Variants in KLHL13 observed in about 807,000 individuals in gnomAD.
KLHL13 encodes kelch like family member 13, also known as kelch-like protein 13.
A neutral mutation model predicts 37.1 loss-of-function variants in KLHL13; 10 were observed. The observed-to-expected ratio is 0.27, with a 90% CI of 0.17 to 0.46. The LOEUF is 0.46. Ranked by LOEUF, KLHL13 falls within the 20% of genes least tolerant of loss-of-function variation. KLHL13 has a pLI of 1.00. For synonymous variants in KLHL13, 163 were observed against 181.2 expected, an observed-to-expected ratio of 0.90 and a Z score of 0.81; for missense variants, 360 against 509.3, an observed-to-expected ratio of 0.71 and a Z score of 2.82.
chrX:117,953,269 A>AT (rs1048524650), intron 1 of KLHL13, among the ~76,000 whole-genome samples: 7 of 110,878 alleles, frequency 6.3e-5, no homozygotes. Context: ...CATGGATGAA[A>AT]TTGGAAATCA....
chrX:117,950,036 G>T (rs1933506805), intron 1 of KLHL13, among the ~76,000 whole-genome samples: 1 of 112,617 alleles, frequency 8.9e-6, no homozygotes, highest in Admixed American at 9.4e-5. Context: ...AGCTAGAAAG[G>T]TAAAAGTATA....
At chrX:118,083,533 T>A (rs1363985937) in intron 1 of KLHL13, among the ~76,000 whole-genome samples, 1 of 111,409 alleles carries the variant, frequency 9.0e-6, no homozygotes, top group Non-Finnish European at 1.9e-5. Context: ...TTTAAGTTTA[T>A]CTCATAGAAG....
chrX:117,990,970 T>A (rs1240050266), intron 1 of KLHL13, among the ~76,000 whole-genome samples: 1 of 110,252 alleles, frequency 9.1e-6, no homozygotes, highest in Non-Finnish European at 1.9e-5. Context: ...ACAATGGGGT[T>A]CCCCAAAGGG....
intron 4 of KLHL13, among the ~76,000 whole-genome samples, chrX:117,913,924 A>G (rs1194876143): frequency 9.0e-6 from 1 of 111,164 alleles, no homozygotes; most frequent in Non-Finnish European, 1.9e-5. Context: ...TTGTTCTTAA[A>G]ATAATCAACT....
chrX:117,901,735 C>T (rs141673547), intron 6 of KLHL13, 98 bp downstream of exon 7: 43 of 403,541 alleles, frequency 1.1e-4, no homozygotes, highest in African/African-American at 8.8e-4. Flanking sequence ...AAACTCCTGA[C>T]GCCTGAATTA....
chrX:117,975,964 T>C (rs982760880), upstream of KLHL13, among the ~76,000 whole-genome samples: 1 of 111,918 alleles, frequency 8.9e-6, no homozygotes, highest in Non-Finnish European at 1.9e-5. Context: ...AAAAACAACA[T>C]ACTTTTGTCG....
intron 1 of KLHL13, among the ~76,000 whole-genome samples, chrX:117,967,716 G>C (rs1029224483): frequency 8.9e-6 from 1 of 112,036 alleles, no homozygotes; most frequent in African/African-American, 3.2e-5. Context: ...ATATTTTTCT[G>C]TTATATTAAA....
In KLHL13 at chrX:118,097,013, G is replaced by T. The variant is rs868028427; in HGVS notation, c.-56+19495C>A. On this transcript the variant is annotated intron_variant, in intron 1 of 6. Transcript: ENST00000371882. ...AACTGGAAGCATTCCCTTTGAAAAC[G>T]GGCACAAGACAGGGATGCCCTCTCT... Among the ~76,000 whole-genome samples the T allele has an allele frequency of 5.8e-3, 638 of 110,427 alleles. 8 individuals are homozygous for T. The highest frequency in any genetic ancestry group is 0.019 in the African/African-American group (578 of 30,303).
rs750174381 is a variant in KLHL13, at chrX:117,971,458, GA to G, written c.98+1272del. Among the ~76,000 whole-genome samples the G allele has an allele frequency of 1.2e-4, 13 of 109,127 alleles. No homozygotes were observed. The South Asian group carries it at 5.0e-3, about 42-fold the overall frequency. The allele number at this position is 109,127 out of a possible 115,157, so 94.8% of individuals were successfully genotyped here. ...TTTGTGCTTTTGACAAACAGTTTTT[GA>G]AAAACAAATATAGCTGGTTTATTTT... On this transcript the variant is annotated intron_variant, in intron 1 of 6. Transcript: ENST00000262820.
chrX:118,002,595 A>AAAATAAAT lies in KLHL13; in HGVS notation c.-55-57028_-55-57021dup, dbSNP rs571584663. ...GCAACAAGAGTGAAACTCTGTCTCG[A>AAAATAAAT]AAATAAATAAATAAATAAATAAATA... On this transcript the variant is annotated intron_variant, in intron 1 of 6. Coordinates refer to the KLHL13 transcript ENST00000371882. 2.5e-3 allele frequency among the ~76,000 whole-genome samples: 234 copies of AAAATAAAT among 94,173 alleles called. 1 individual carries two copies. Among genetic ancestry groups the AAAATAAAT allele is most frequent in the Middle Eastern group, 0.01 (2 of 195 alleles). 81.8% of individuals were successfully genotyped at this position (94,173 alleles called of 115,157 possible).
chrX:118,101,554 T>C (rs990937293), intron 1 of KLHL13, among the ~76,000 whole-genome samples: 10 of 111,607 alleles, frequency 9.0e-5, no homozygotes, highest in Admixed American at 7.6e-4. Flanking sequence ...CAAGAAAACC[T>C]TCCTAGAAGA....
chrX:117,990,556 C>T (rs150360930), intron 1 of KLHL13, among the ~76,000 whole-genome samples: 6,060 of 111,554 alleles, frequency 0.054, 402 homozygotes, highest in African/African-American at 0.18. Context: ...ATTACTGTTG[C>T]TACAAGTCAT....
In KLHL13 at chrX:118,042,032, T is replaced by C. The variant is rs748768760; in HGVS notation, c.-56+74476A>G. ...AATGGAAAAAGATATTCCATGCAAA[T>C]GGAAACCAAAAAAAGAGCCAGGATA... On this transcript the variant is annotated intron_variant, in intron 1 of 6. Transcript: ENST00000371882. Among the ~76,000 whole-genome samples the C allele has an allele frequency of 3.6e-5, 4 of 111,194 alleles. No homozygotes were observed. The East Asian group carries it at 1.1e-3, about 32-fold the overall frequency.
At chrX:117,937,206 T>G (rs1012935342) in intron 2 of KLHL13, among the ~76,000 whole-genome samples, 6 of 112,324 alleles carry the variant, frequency 5.3e-5, no homozygotes, top group African/African-American at 1.9e-4. Context: ...CTAAGATTGA[T>G]ACAAAAATGT....
chrX:118,114,893 T>C (rs1228714580), intron 1 of KLHL13, among the ~76,000 whole-genome samples: 1 of 112,477 alleles, frequency 8.9e-6, no homozygotes, highest in Non-Finnish European at 1.9e-5. Context: ...CTTATTTATC[T>C]GTTTTTTAAA....
chrX:117,942,354 T>G (rs1048791423), intron 2 of KLHL13, among the ~76,000 whole-genome samples: 1 of 111,478 alleles, frequency 9.0e-6, no homozygotes, highest in African/African-American at 3.3e-5. Context: ...CTGCTTGGTC[T>G]AGAGCTGAGT....
intron 1 of KLHL13, among the ~76,000 whole-genome samples, chrX:118,078,368 T>A (rs138849917): frequency 9.0e-6 from 1 of 111,641 alleles, no homozygotes; most frequent in Non-Finnish European, 1.9e-5. Flanking sequence ...AGATACAGCA[T>A]AGAACAATTC....
At chrX:118,020,624 C>T (rs1602657258) in intron 1 of KLHL13, among the ~76,000 whole-genome samples, 2 of 110,726 alleles carry the variant, frequency 1.8e-5, no homozygotes, top group Admixed American at 9.6e-5. Flanking sequence ...CCATTTGACC[C>T]AGCCATCCCA....
At chrX:117,920,300 G>A in exon 3 of KLHL13, 1 of 1,206,633 alleles carries the variant, frequency 8.3e-7, no homozygotes, top group Non-Finnish European at 1.1e-6. Flanking sequence ...CACAGGGAAA[G>A]CATCATCTGT....
Sources: gnomAD v4.1 joint callset for allele counts (sites outside exome capture counted in the v4.1 genomes callset) on GRCh38, gnomAD v4.1.1 for gene constraint, MANE v1.5 for transcripts, NCBI Gene and HGNC (gene_info 2026-07-23, HGNC 2026-07-21) for gene names.